The following IMMP2L variants were observed in gnomAD, a reference collection of about 807,000 sequenced individuals.
IMMP2L encodes the protein mitochondrial inner membrane protease subunit 2.
Under a neutral mutation model 19.3 loss-of-function variants are expected in IMMP2L, and 18 were observed. The observed-to-expected ratio is 0.93, with a 90% CI of 0.64 to 1.38. IMMP2L has a LOEUF of 1.38. Ranked by LOEUF, IMMP2L falls within the 40% of genes most tolerant of loss-of-function variation. The probability of loss-of-function intolerance (pLI) is 0.00; values close to 1 mark genes in which losing one functional copy is unlikely to be tolerated. For missense variants in IMMP2L, 233 were observed against 218.2 expected (o/e 1.07, Z -0.43); for synonymous variants, 76 against 73.0 (o/e 1.04, Z -0.21).
At chr7:110,830,272 T>C (rs941272514) in intron 5 of IMMP2L, among the ~76,000 whole-genome samples, 1 of 152,132 alleles carries the variant, frequency 6.6e-6, no homozygotes, top group Non-Finnish European at 1.5e-5. Flanking sequence ...TTAGCAATAG[T>C]GAGGCTCCTT....
rs139014453 is a variant in IMMP2L, at chr7:111,263,053, C to A, written c.239+224185G>T. 5.8e-3 allele frequency among the ~76,000 whole-genome samples: 886 copies of A among 152,176 alleles called. 8 individuals are homozygous for A. Among genetic ancestry groups the A allele is most frequent in the Non-Finnish European group, 6.8e-3 (464 of 67,986 alleles). ...AAAAAAAATGATTTCAGAGGCTTAA[C>A]GAGTAGTCAGATAATATAGTCCCCT... On this transcript the variant is annotated intron_variant, in intron 3 of 5. Transcript: ENST00000405709.
chr7:111,490,833 C>G (rs546117157), intron 2 of IMMP2L, among the ~76,000 whole-genome samples: 2 of 152,276 alleles, frequency 1.3e-5, no homozygotes, highest in South Asian at 4.1e-4. Flanking sequence ...AATAGCCAGA[C>G]ATGTTAAGTG....
chr7:111,389,508 C>T (rs7782005), intron 3 of IMMP2L, among the ~76,000 whole-genome samples: 12,967 of 151,422 alleles, frequency 0.086, 743 homozygotes, highest in Middle Eastern at 0.18. Context: ...AGTACTGGGG[C>T]ATCATGTCTC....
At chr7:111,144,020 T>C (rs1057053933) in intron 3 of IMMP2L, among the ~76,000 whole-genome samples, 11 of 152,154 alleles carry the variant, frequency 7.2e-5, no homozygotes, top group African/African-American at 1.9e-4. Context: ...CACTGCAACA[T>C]TGTCAAATAA....
At chr7:111,063,223 G>C (rs561743402) in intron 3 of IMMP2L, among the ~76,000 whole-genome samples, 181 of 152,324 alleles carry the variant, frequency 1.2e-3, no homozygotes, top group Non-Finnish European at 2.0e-3. Flanking sequence ...TCAAAACCAT[G>C]TGGAGCTGCC....
chr7:111,422,010 G>A (rs1835606275), intron 3 of IMMP2L, among the ~76,000 whole-genome samples: 1 of 151,732 alleles, frequency 6.6e-6, no homozygotes, highest in Non-Finnish European at 1.5e-5. Context: ...TTTTTGTCAC[G>A]TTTGTCAAAG....
chr7:111,109,263 T>G (rs1330442119), intron 3 of IMMP2L, among the ~76,000 whole-genome samples: 2 of 152,128 alleles, frequency 1.3e-5, no homozygotes, highest in African/African-American at 4.8e-5. Flanking sequence ...TAATTAAGTT[T>G]TTTTTTTCAA....
chr7:111,108,604 G>T (rs1354125919), intron 3 of IMMP2L, among the ~76,000 whole-genome samples: 1 of 152,060 alleles, frequency 6.6e-6, no homozygotes, highest in African/African-American at 2.4e-5. Flanking sequence ...TGGCTTAGAA[G>T]AAATTTATGA....
chr7:110,921,980 C>T (rs1814344328), intron 4 of IMMP2L, among the ~76,000 whole-genome samples: 2 of 152,128 alleles, frequency 1.3e-5, no homozygotes, highest in South Asian at 4.1e-4. Flanking sequence ...AGAGCTTGCA[C>T]CACTGCTGGA....
intron 5 of IMMP2L, among the ~76,000 whole-genome samples, chr7:110,886,100 T>C (rs550393580): frequency 2.6e-5 from 4 of 152,216 alleles, no homozygotes; most frequent in East Asian, 3.9e-4. Context: ...CTCTGTCTTA[T>C]GTCAAATTAA....
At chr7:110,856,794 A>T (rs1235228821) in intron 5 of IMMP2L, among the ~76,000 whole-genome samples, 2 of 152,004 alleles carry the variant, frequency 1.3e-5, no homozygotes, top group African/African-American at 2.4e-5. Context: ...AGAAATAACA[A>T]CTCAGTAGTT....
At chr7:111,486,708 T>G (rs1382908037) in intron 3 of IMMP2L, among the ~76,000 whole-genome samples, 1 of 152,140 alleles carries the variant, frequency 6.6e-6, no homozygotes, top group African/African-American at 2.4e-5. Flanking sequence ...TGGAATGAAA[T>G]TTTTGATCCT....
intron 3 of IMMP2L, among the ~76,000 whole-genome samples, chr7:110,964,916 A>G (rs1368629615): frequency 6.6e-6 from 1 of 152,012 alleles, no homozygotes; most frequent in East Asian, 1.9e-4. Flanking sequence ...GCTTCAAAGC[A>G]CGTACTTAGT....
At chr7:110,713,550 T>C (rs544571051) in intron 5 of IMMP2L, among the ~76,000 whole-genome samples, 1 of 152,322 alleles carries the variant, frequency 6.6e-6, no homozygotes, top group African/African-American at 2.4e-5. Flanking sequence ...GAGCATAGGA[T>C]GTTTTTCCAT....
chr7:110,858,230 A>G (rs1165719451), intron 5 of IMMP2L, among the ~76,000 whole-genome samples: 1 of 152,128 alleles, frequency 6.6e-6, no homozygotes, highest in East Asian at 1.9e-4. Flanking sequence ...CAGTTGATTT[A>G]AAGTCATCAT....
intron 5 of IMMP2L, among the ~76,000 whole-genome samples, chr7:110,853,264 T>C (rs1389485558): frequency 6.6e-6 from 1 of 152,030 alleles, no homozygotes; most frequent in East Asian, 1.9e-4. Flanking sequence ...ATTTGTACTT[T>C]ATACACATAT....
intron 3 of IMMP2L, among the ~76,000 whole-genome samples, chr7:111,283,975 A>C (rs1450655330): frequency 6.7e-6 from 1 of 149,812 alleles, no homozygotes; most frequent in Non-Finnish European, 1.5e-5. Context: ...CGTCTCAAAA[A>C]AAAAAAAAAA....
chr7:111,061,346 T>C (rs1266337974), intron 3 of IMMP2L, among the ~76,000 whole-genome samples: 2 of 152,170 alleles, frequency 1.3e-5, no homozygotes, highest in Admixed American at 6.5e-5. Flanking sequence ...ACAGAGGGCC[T>C]TGACTGACTC....
chr7:110,893,698 C>T (rs1045369679), intron 4 of IMMP2L, among the ~76,000 whole-genome samples: 3 of 151,974 alleles, frequency 2.0e-5, no homozygotes, highest in African/African-American at 7.3e-5. Context: ...CACAGTACCC[C>T]AAATTCTTGA....
Sources: allele counts gnomAD v4.1 joint callset (sites outside exome capture counted in the v4.1 genomes callset), GRCh38; gene constraint gnomAD v4.1.1; transcripts MANE v1.5; gene names NCBI Gene and HGNC (gene_info 2026-07-23, HGNC 2026-07-21).